C6orf118: variants seen among roughly 807,000 people sequenced by gnomAD.
C6orf118 encodes the protein chromosome 6 open reading frame 118, also known as uncharacterized protein C6orf118.
In C6orf118, 50 loss-of-function variants were observed where a neutral mutation model predicts 50.2. That is an observed-to-expected ratio of 1.00 (90% CI 0.79 to 1.26). The LOEUF is 1.26. C6orf118 is among the 50% of genes most tolerant of loss of function. The pLI, the probability that C6orf118 is intolerant of heterozygous loss-of-function variation, is 0.00. For missense variants in C6orf118, 641 were observed against 578.7 expected (o/e 1.11, Z -1.10); for synonymous variants, 239 against 230.9 (o/e 1.03, Z -0.32).
intron 1 of C6orf118, among the ~76,000 whole-genome samples, 195 bp downstream of exon 1, chr6:165,309,367 T>A (rs1407999169): frequency 1.3e-5 from 2 of 152,254 alleles, no homozygotes; most frequent in Non-Finnish European, 1.5e-5. Flanking sequence ...CTCTGTGCTT[T>A]GCGCGCTGGT....
rs1021899429 is a variant in C6orf118 at position 165,296,746 on chromosome 6, C to A, written c.1061+1231G>T. On this transcript the variant is annotated intron_variant, in intron 5 of 8. Transcript: ENST00000230301. ...CACTTCCTACCACCCCTGAGAGGTA[C>A]GCTGCCTTCTTTTCTCTGGGATCCG... Among the ~76,000 whole-genome samples, 4 of 152,162 alleles carry A rather than the reference C, an allele frequency of 2.6e-5. No homozygotes were observed. The South Asian group carries it at 8.3e-4, about 32-fold the overall frequency.
intron 1 of C6orf118, 124 bp from the exon 2 acceptor site, chr6:165,302,420 G>A: frequency 2.4e-6 from 3 of 1,230,616 alleles, no homozygotes; most frequent in South Asian, 2.9e-5. Flanking sequence ...CAGACGAACA[G>A]AGTACATGGC....
At chr6:165,280,327 A>G (rs1779685396) in intron 8 of C6orf118, among the ~76,000 whole-genome samples, 1 of 152,238 alleles carries the variant, frequency 6.6e-6, no homozygotes. Flanking sequence ...CCCCTGTAGC[A>G]TATAGTGTGG....
chr6:165,284,723 A>C (rs4709932), intron 7 of C6orf118, among the ~76,000 whole-genome samples: 103,492 of 152,026 alleles, frequency 0.68, 35,541 homozygotes, highest in East Asian at 0.79. Context: ...ACCAACCAAA[A>C]TAAGCTTCAT....
chr6:165,281,452 A>C (rs1171591043), intron 8 of C6orf118, 188 bp downstream of exon 8: 1 of 1,284,162 alleles, frequency 7.8e-7, no homozygotes, highest in Admixed American at 4.1e-5. Flanking sequence ...ATACTGCTCT[A>C]GTTCTTTTAT....
At chr6:165,282,932 C>A (rs1779777733) in intron 7 of C6orf118, among the ~76,000 whole-genome samples, 1 of 151,904 alleles carries the variant, frequency 6.6e-6, no homozygotes, top group African/African-American at 2.4e-5. Context: ...AATTTAGAAC[C>A]CATTACTGTT....
Position 165,281,696 on chromosome 6 carries a change from G to T in C6orf118, c.1303-3C>A, listed in dbSNP as rs185829884. 2.5e-3 allele frequency: 3,649 copies of T among 1,474,674 alleles called. 12 individuals are homozygous for T. Among genetic ancestry groups the T allele is most frequent in the Admixed American group, 5.4e-3 (207 of 38,520 alleles). 91.3% of individuals were successfully genotyped at this position (1,474,674 alleles called of 1,614,324 possible). A position where few individuals can be genotyped will look rare whatever the true frequency, so the allele number is the denominator to read the frequency against. ...GTTTCCAATTGTATAGCTTCATGCT[G>T]GAAGAGAAGTTGTTTTAAACACAAT... On this transcript the variant is annotated splice_region_variant and splice_polypyrimidine_tract_variant and intron_variant, in intron 7 of 8. Transcript: ENST00000230301.
chr6:165,300,880 TTCTCC>T (rs1305927338), intron 2 of C6orf118, among the ~76,000 whole-genome samples: 3 of 147,460 alleles, frequency 2.0e-5, no homozygotes, highest in Non-Finnish European at 3.0e-5. Flanking sequence ...CAGTCAGCTG[TTCTCC>T]TCTGAGTCGG....
At chr6:165,306,353 T>G (rs189834038) in intron 1 of C6orf118, among the ~76,000 whole-genome samples, 1 of 80,750 alleles carries the variant, frequency 1.2e-5, no homozygotes, top group Non-Finnish European at 2.4e-5. Context: ...AGGGATAGCA[T>G]TGGGAGATAT....
At chr6:165,292,437 G>A (rs1163086028) in intron 6 of C6orf118, among the ~76,000 whole-genome samples, 1 of 152,198 alleles carries the variant, frequency 6.6e-6, no homozygotes, top group Non-Finnish European at 1.5e-5. Context: ...TGGAAAGTTC[G>A]TCACTGCATC....
chr6:165,298,114 A>G lies in C6orf118; in HGVS notation c.937-13T>C, dbSNP rs1397140954. On this transcript the variant is annotated splice_polypyrimidine_tract_variant and intron_variant, in intron 4 of 8. Coordinates refer to ENST00000230301, the MANE Select transcript of C6orf118 (RefSeq NM_144980.4). ...GAGCCAGAAGAGCCTAGGCAGGACC[A>G]GGTACATGAGGTGAGACAAGCACAC... is the stretch of plus-strand genomic sequence containing the variant. 2 of 1,564,620 alleles carry G rather than the reference A, an allele frequency of 1.3e-6. No individual in the cohort carries two copies. Among genetic ancestry groups the G allele is most frequent in the Non-Finnish European group, 1.7e-6 (2 of 1,160,996 alleles).
intron 3 of C6orf118, among the ~76,000 whole-genome samples, chr6:165,299,943 C>A (rs775948497): frequency 1.3e-5 from 2 of 152,128 alleles, no homozygotes. Context: ...ATCAGCCTCT[C>A]AAAGTGCTAG....
chr6:165,298,444 T>C (rs1432098832), intron 4 of C6orf118, among the ~76,000 whole-genome samples: 2 of 152,176 alleles, frequency 1.3e-5, no homozygotes, highest in African/African-American at 2.4e-5. Context: ...TCGTTTCCTC[T>C]AGGTGAATGA....
At chr6:165,308,789 T>G (rs1780838049) in intron 1 of C6orf118, among the ~76,000 whole-genome samples, 1 of 152,216 alleles carries the variant, frequency 6.6e-6, no homozygotes, top group Non-Finnish European at 1.5e-5. Context: ...GATGGTCAGC[T>G]GCCTCCAAGA....
chr6:165,290,159 T>A (rs1003429996), intron 6 of C6orf118, 92 bp from the exon 7 acceptor site: 4 of 731,164 alleles, frequency 5.5e-6, no homozygotes, highest in Non-Finnish European at 8.7e-6. Context: ...TTATGTATGC[T>A]ATAGTATATA....
At position 165,302,163 on chromosome 6, in the gene C6orf118, C is replaced by A. The variant is rs998957898; in HGVS notation, c.159G>T (p.Arg53=). 2 of 1,612,840 alleles carry A rather than the reference C, an allele frequency of 1.2e-6. No homozygotes were observed. Among genetic ancestry groups the A allele is most frequent in the East Asian group, 4.5e-5 (2 of 44,860 alleles). The change falls in exon 2 of 9, where the codon CGG becomes CGT. Residue 53 remains arginine, a synonymous_variant. Transcript: ENST00000230301. Reference sequence around the variant, plus strand: ...CAGAGATGTAGAGGTAGACGTCCTCCCGGTGGTCTTTCTGAAGCCGATTCA... The same window carrying A: ...CAGAGATGTAGAGGTAGACGTCCTCACGGTGGTCTTTCTGAAGCCGATTCA... The part of the protein sequence containing the change: ...KLLNRLQKDH[R]EDVYLYISGH...
chr6:165,307,715 A>T (rs1780794778), intron 1 of C6orf118, among the ~76,000 whole-genome samples: 1 of 151,654 alleles, frequency 6.6e-6, no homozygotes, highest in African/African-American at 2.4e-5. Context: ...AAGTCAGTGC[A>T]CATCCTAAGA....
intron 7 of C6orf118, among the ~76,000 whole-genome samples, chr6:165,282,719 T>C (rs1282178548): frequency 1.4e-5 from 2 of 148,142 alleles, no homozygotes; most frequent in Admixed American, 1.4e-4. Context: ...CATAATAGAA[T>C]AACAATGGCA....
At chr6:165,292,737 A>C (rs1780147124) in intron 6 of C6orf118, among the ~76,000 whole-genome samples, 1 of 152,194 alleles carries the variant, frequency 6.6e-6, no homozygotes, top group African/African-American at 2.4e-5. Context: ...AGGCGGGACA[A>C]GGGGATGCAA....
Sources: gnomAD v4.1 joint callset for allele counts (sites outside exome capture counted in the v4.1 genomes callset) on GRCh38, gnomAD v4.1.1 for gene constraint, MANE v1.5 for transcripts, NCBI Gene and HGNC (gene_info 2026-07-23, HGNC 2026-07-21) for gene names.